Variants in MYH15 observed in about 807,000 individuals in gnomAD.
MYH15 encodes the protein myosin heavy chain 15, also known as myosin-15.
In MYH15, 227 loss-of-function variants were observed where a neutral mutation model predicts 240.5. The ratio of observed to expected loss-of-function variants is 0.94; its 90% CI spans 0.85 to 1.05. The LOEUF is 1.05. Among genes scored for constraint, MYH15 ranks in the 50% least tolerant of loss-of-function variants. MYH15 has a pLI of 0.00. For synonymous variants in MYH15, 785 were observed against 796.7 expected, an observed-to-expected ratio of 0.99 and a Z score of 0.25; for missense variants, 2,217 against 2,247.5, an observed-to-expected ratio of 0.99 and a Z score of 0.27.
chr3:108,541,897 A>G, the MYH15 span, among the ~76,000 whole-genome samples: 1 of 152,168 alleles, frequency 6.6e-6, no homozygotes, highest in Non-Finnish European at 1.5e-5. Flanking sequence ...CAATATGTAT[A>G]AAATACTTGC....
rs544104702 is a variant in MYH15, at chr3:108,492,750, C to G, written c.776-155G>C. ...TCACTTGAGGCCAGGAGTTTGAAAA[C>G]AGCCTGTGCAACATAGTGAGACCCC... is the stretch of plus-strand genomic sequence containing the variant. On this transcript the variant is annotated intron_variant, in intron 8 of 40. Coordinates refer to ENST00000693548, the MANE Select transcript of MYH15 (RefSeq NM_014981.3). 2.2e-4 allele frequency among the ~76,000 whole-genome samples: 34 copies of G among 152,226 alleles called. No individual in the cohort carries two copies. The South Asian group carries it at 6.8e-3, about 31-fold the overall frequency.
intron 5 of MYH15, among the ~76,000 whole-genome samples, chr3:108,498,551 T>C (rs987830187): frequency 1.3e-5 from 2 of 152,124 alleles, no homozygotes; most frequent in Non-Finnish European, 1.5e-5. Flanking sequence ...ACCAATCACT[T>C]CACCAGGCAG....
At chr3:108,504,956 C>G (rs964088024) in intron 2 of MYH15, among the ~76,000 whole-genome samples, 3 of 152,158 alleles carry the variant, frequency 2.0e-5, no homozygotes, top group African/African-American at 7.2e-5. Flanking sequence ...AAGACTTTCT[C>G]CAACTCTTAA....
At chr3:108,461,883 G>C (rs914088639) in intron 16 of MYH15, 1 of 152,154 alleles carries the variant, frequency 6.6e-6, no homozygotes, top group Admixed American at 6.6e-5. Context: ...CCTGATAGGG[G>C]CTGGGAGTTA....
chr3:108,459,263 A>T, intron 18 of MYH15, 99 bp downstream of exon 18: 1 of 764,510 alleles, frequency 1.3e-6, no homozygotes, highest in East Asian at 3.1e-5. Context: ...TTCTACCCTT[A>T]TATAAAAGGC....
At chr3:108,501,526 G>A (rs554549319) in intron 3 of MYH15, among the ~76,000 whole-genome samples, 186 bp downstream of exon 3, 2 of 152,144 alleles carry the variant, frequency 1.3e-5, no homozygotes, top group African/African-American at 2.4e-5. Context: ...CTGTGGGAAG[G>A]CATATGAATG....
chr3:108,539,309 T>C, the MYH15 span, among the ~76,000 whole-genome samples: 5 of 152,128 alleles, frequency 3.3e-5, no homozygotes, highest in African/African-American at 1.2e-4. Context: ...GTGTTAACAC[T>C]ACCGTACTTA....
At chr3:108,406,134 AG>A (rs1288719797) in intron 32 of MYH15, among the ~76,000 whole-genome samples, 13 of 152,214 alleles carry the variant, frequency 8.5e-5, no homozygotes, top group African/African-American at 2.9e-4. Flanking sequence ...CAATTCTAAA[AG>A]CATAGGTTTG....
intron 2 of MYH15, among the ~76,000 whole-genome samples, chr3:108,502,666 C>T (rs1277817837): frequency 6.6e-6 from 1 of 152,082 alleles, no homozygotes; most frequent in African/African-American, 2.4e-5. Flanking sequence ...CACAGGTTTC[C>T]TAACACCCTT....
chr3:108,486,576 C>T, intron 9 of MYH15, 50 bp from the exon 10 acceptor site: 1 of 1,282,716 alleles, frequency 7.8e-7, no homozygotes, highest in South Asian at 1.3e-5. Flanking sequence ...TCTGCAAGGC[C>T]TTAGAAAATA....
At chr3:108,486,641 C>T in intron 9 of MYH15, 115 bp from the exon 10 acceptor site, 1 of 585,676 alleles carries the variant, frequency 1.7e-6, no homozygotes. Flanking sequence ...GTAAACAAGC[C>T]AAAATAAAAT....
chr3:108,383,834 A>G (rs1392156105), intron 39 of MYH15, 105 bp from the exon 40 acceptor site: 2 of 946,050 alleles, frequency 2.1e-6, no homozygotes, highest in South Asian at 4.2e-5. Context: ...AAAAGAATCT[A>G]AACTTCTGAG....
intron 33 of MYH15, among the ~76,000 whole-genome samples, chr3:108,399,880 T>C (rs1470988497): frequency 6.6e-6 from 1 of 152,226 alleles, no homozygotes; most frequent in South Asian, 2.1e-4. Flanking sequence ...TTTAAATTCC[T>C]TCCTAAGAAA....
chr3:108,451,778 A>G (rs544399149), intron 21 of MYH15, among the ~76,000 whole-genome samples: 1 of 152,300 alleles, frequency 6.6e-6, no homozygotes, highest in East Asian at 1.9e-4. Flanking sequence ...TATTACAATC[A>G]AACCCATCAA....
At chr3:108,396,345 T>TG (rs11412136) in intron 35 of MYH15, among the ~76,000 whole-genome samples, 107,220 of 152,014 alleles carry the variant, frequency 0.71, 38,337 homozygotes, top group Non-Finnish European at 0.77. Flanking sequence ...GTAGCAGGGT[T>TG]GGGGGGAGAC....
rs1160215544 is a variant in MYH15, at chr3:108,391,831, T to G, written c.5359A>C (p.Lys1787Gln). The G allele has an allele frequency of 1.2e-6, 2 of 1,614,156 alleles. No individual in the cohort carries two copies. The highest frequency in any genetic ancestry group is 1.7e-6 in the Non-Finnish European group (2 of 1,180,002). The change falls in exon 37 of 41, where the codon AAA becomes CAA. Residue 1787 changes from lysine to glutamine, a missense_variant. Lys to Gln is a moderately conservative substitution (Grantham distance 53). Transcript: ENST00000693548. The part of the protein sequence containing the change: ...NMEQTITDLQ[K>Q]RLAEAEQMAL... ...ATCTGTTCAGCTTCAGCCAGCCTTTTCTGTAAGTCTGTAATTGTCTGCTCC... is the reference window on the plus strand; with the variant it reads ...ATCTGTTCAGCTTCAGCCAGCCTTTGCTGTAAGTCTGTAATTGTCTGCTCC...
At position 108,416,865 on chromosome 3, in the gene MYH15, T is replaced by C; in HGVS notation, c.3895A>G (p.Asn1299Asp). The C allele has an allele frequency of 1.9e-6, 3 of 1,614,104 alleles. No homozygotes were observed. The highest frequency in any genetic ancestry group is 2.5e-6 in the Non-Finnish European group (3 of 1,179,986). ...AGGTCTTCAATCTGCCGAGTGAAGTTGCTCTTTTCCCTGGAAAGTTGGTTT... is the reference window on the plus strand; with the variant it reads ...AGGTCTTCAATCTGCCGAGTGAAGTCGCTCTTTTCCCTGGAAAGTTGGTTT... Reference protein sequence around the residue: ...LINQLSREKSNFTRQIEDLRG... With the variant: ...LINQLSREKSDFTRQIEDLRG... The change falls in exon 29 of 41, where the codon AAC (asparagine) becomes GAC (aspartate). Residue 1299 changes from asparagine (N) to aspartate (D), a missense_variant. Coordinates refer to ENST00000693548, the MANE Select transcript of MYH15 (RefSeq NM_014981.3).
At position 108,416,689 on chromosome 3, in the gene MYH15, T is replaced by C. The variant is rs1361544182; in HGVS notation, c.3948+123A>G. 6 of 817,550 alleles carry C rather than the reference T, an allele frequency of 7.3e-6. No homozygotes were observed. The East Asian group carries it at 7.7e-5, about 11-fold the overall frequency. 50.6% of individuals were successfully genotyped at this position (817,550 alleles called of 1,614,324 possible). A position where few individuals can be genotyped will look rare whatever the true frequency, so the allele number is the denominator to read the frequency against. Reference sequence around the variant, plus strand: ...TCTTCCTGGCATGGTTTTTCCCCCATAACTTCTAGGGCATTTTCCCTTCTT... The same window carrying C: ...TCTTCCTGGCATGGTTTTTCCCCCACAACTTCTAGGGCATTTTCCCTTCTT... On this transcript the variant is annotated intron_variant, in intron 29 of 40. Transcript: ENST00000693548.
rs1317408466 is a variant in MYH15, at chr3:108,500,162, T to C, written c.452A>G (p.His151Arg). ...KGKRRSEAPPHIFAVANNAFQ... is the reference protein window; with the variant it reads ...KGKRRSEAPPRIFAVANNAFQ... ...GGCGTTATTGGCAACAGCAAAGATG[T>C]GAGGGGGAGCCTCTGATCGCCTCTT... The change falls in exon 4 of 41, where the codon CAC becomes CGC. Residue 151 changes from histidine (H) to arginine (R), a missense_variant. By Grantham distance (29) the His-to-Arg change is conservative. Transcript: ENST00000693548. 2.5e-6 allele frequency: 4 copies of C among 1,613,964 alleles called. No homozygotes were observed. The highest frequency in any genetic ancestry group is 1.7e-5 in the Admixed American group (1 of 59,988).
Sources: allele counts gnomAD v4.1 joint callset (sites outside exome capture counted in the v4.1 genomes callset), GRCh38; gene constraint gnomAD v4.1.1; transcripts MANE v1.5; gene names NCBI Gene and HGNC (gene_info 2026-07-23, HGNC 2026-07-21).